Variants in SMC5 observed in about 807,000 individuals in gnomAD.
SMC5 encodes structural maintenance of chromosomes 5.
A neutral mutation model predicts 148.3 loss-of-function variants in SMC5; 88 were observed. That is an observed-to-expected ratio of 0.59 (90% CI 0.50 to 0.71). The LOEUF (loss-of-function observed/expected upper bound fraction) is 0.71, where lower values mean the gene tolerates loss of function less well. SMC5 is among the 30% of genes least tolerant of loss of function. SMC5 has a pLI of 0.00. For synonymous variants in SMC5, 421 were observed against 432.8 expected (o/e 0.97, Z 0.34); for missense variants, 1,142 against 1,298.9 (o/e 0.88, Z 1.86).
intron 13 of SMC5, among the ~76,000 whole-genome samples, chr9:70,318,302 C>T (rs2035860519): frequency 6.6e-6 from 1 of 151,862 alleles, no homozygotes; most frequent in South Asian, 2.1e-4. Flanking sequence ...GTGGAAGGAT[C>T]ACTTGAGCCT....
At chr9:70,300,719 T>C (rs1467331241) in intron 10 of SMC5, among the ~76,000 whole-genome samples, 4 of 152,170 alleles carry the variant, frequency 2.6e-5, no homozygotes, top group Non-Finnish European at 5.9e-5. Flanking sequence ...TGAAGCTATA[T>C]TTAATAAATC....
chr9:70,332,296 G>A (rs184349802), intron 17 of SMC5, among the ~76,000 whole-genome samples: 2 of 152,144 alleles, frequency 1.3e-5, no homozygotes, highest in East Asian at 1.9e-4. Flanking sequence ...CGAGGCAGGT[G>A]GAGCCCTTGA....
intron 15 of SMC5, among the ~76,000 whole-genome samples, chr9:70,322,044 T>C (rs2035961741): frequency 6.6e-6 from 1 of 152,236 alleles, no homozygotes; most frequent in Admixed American, 6.5e-5. Flanking sequence ...TCTAAACACA[T>C]TTATAAATTG....
intron 16 of SMC5, 82 bp downstream of exon 16, chr9:70,323,688 GGTTT>G: frequency 3.1e-6 from 4 of 1,297,010 alleles, no homozygotes; most frequent in Non-Finnish European, 4.2e-6. Flanking sequence ...AGGGAGGGAA[GGTTT>G]TGATTAAGGT....
At position 70,347,722 on chromosome 9, in the gene SMC5, T is replaced by C; in HGVS notation, c.2769+5T>C. On this transcript the variant is annotated splice_donor_5th_base_variant and intron_variant, in intron 21 of 24. Transcript: ENST00000361138. ...TACAGGGAAAACATTTCACAGGTAA[T>C]TTTTTAGTTTTTAATCTTTTTATCA... 11 of 1,498,298 alleles carry C rather than the reference T, an allele frequency of 7.3e-6. No homozygotes were observed. The highest frequency in any genetic ancestry group is 2.3e-5 in the East Asian group (1 of 43,648). The allele number at this position is 1,498,298 out of a possible 1,614,324, so 92.8% of individuals were successfully genotyped here. A position where few individuals can be genotyped will look rare whatever the true frequency, so the allele number is the denominator to read the frequency against.
rs973204336 is a variant in SMC5 at position 70,353,719 on chromosome 9, A to T, written c.*1388A>T. On this transcript the variant is annotated 3_prime_UTR_variant, in exon 25 of 25. Coordinates refer to ENST00000361138, the MANE Select transcript of SMC5 (RefSeq NM_015110.4). The stretch of plus-strand genomic sequence containing the variant: ...ATTTTCTTCTTTATAAACATTTTAA[A>T]AGAGCCTTCCCTTCTTAAACTAACT... The T allele has an allele frequency of 6.6e-6, 1 of 152,232 alleles. No homozygotes were observed. Among genetic ancestry groups the T allele is most frequent in the Non-Finnish European group, 1.5e-5 (1 of 68,016 alleles). 9.4% of individuals were successfully genotyped at this position (152,232 alleles called of 1,614,324 possible). A position where few individuals can be genotyped will look rare whatever the true frequency, so the allele number is the denominator to read the frequency against.
At chr9:70,275,481 G>A (rs1012128010) in intron 3 of SMC5, among the ~76,000 whole-genome samples, 6 of 152,164 alleles carry the variant, frequency 3.9e-5, no homozygotes, top group Non-Finnish European at 5.9e-5. Flanking sequence ...GATTACAGGC[G>A]TGAGCCACCA....
chr9:70,329,760 A>G (rs984686022), intron 17 of SMC5, among the ~76,000 whole-genome samples: 3 of 152,134 alleles, frequency 2.0e-5, no homozygotes, highest in Non-Finnish European at 4.4e-5. Flanking sequence ...CTCTTGTATC[A>G]ATTTTCTGTA....
chr9:70,335,384 G>A (rs1381639847), intron 17 of SMC5, among the ~76,000 whole-genome samples: 2 of 152,118 alleles, frequency 1.3e-5, no homozygotes, highest in Non-Finnish European at 2.9e-5. Flanking sequence ...CTACTTGAGA[G>A]GCTGAGGTTG....
intron 18 of SMC5, among the ~76,000 whole-genome samples, chr9:70,345,929 G>A (rs769135836): frequency 2.6e-5 from 4 of 152,152 alleles, no homozygotes; most frequent in Non-Finnish European, 5.9e-5. Context: ...GAGAGAGGGA[G>A]AAGTTGACAA....
chr9:70,282,706 A>T, intron 7 of SMC5, 123 bp downstream of exon 7: 1 of 1,002,190 alleles, frequency 1.0e-6, no homozygotes, highest in East Asian at 2.9e-5. Flanking sequence ...TAAGTTTTTT[A>T]ACCAGGAATT....
At chr9:70,336,817 AAC>A (rs1006755053) in intron 17 of SMC5, among the ~76,000 whole-genome samples, 5 of 152,226 alleles carry the variant, frequency 3.3e-5, no homozygotes, top group African/African-American at 1.2e-4. Flanking sequence ...TAAATCCAGT[AAC>A]ACAATTGTAT....
In SMC5 at chr9:70,350,134, A is replaced by G. The variant is rs1251409093; in HGVS notation, c.2910A>G (p.Gly970=). 5 of 1,606,358 alleles carry G rather than the reference A, an allele frequency of 3.1e-6. No individual in the cohort carries two copies. The highest frequency in any genetic ancestry group is 4.2e-6 in the Non-Finnish European group (5 of 1,176,888). ...TATAGGAAGATTATGATAAATATGGAATTCGAATTAGAGTCAAATTTCGAA... is the reference window on the plus strand; with the variant it reads ...TATAGGAAGATTATGATAAATATGGGATTCGAATTAGAGTCAAATTTCGAA... The part of the protein sequence containing the change: ...TENEEDYDKY[G]IRIRVKFRSS... Residue 970 remains glycine, a synonymous_variant, in exon 23 of 25, where the codon GGA becomes GGG. Coordinates refer to ENST00000361138, the MANE Select transcript of SMC5 (RefSeq NM_015110.4).
intron 3 of SMC5, among the ~76,000 whole-genome samples, chr9:70,274,221 A>G (rs979447093): frequency 3.9e-5 from 6 of 152,222 alleles, no homozygotes; most frequent in Admixed American, 6.5e-5. Flanking sequence ...AGCTGGGATT[A>G]CAGGCGCCCG....
intron 17 of SMC5, among the ~76,000 whole-genome samples, chr9:70,332,259 C>G (rs1279240935): frequency 1.3e-5 from 2 of 152,100 alleles, no homozygotes; most frequent in Non-Finnish European, 2.9e-5. Context: ...TAGTGCCTCA[C>G]ACTGTAATCC....
chr9:70,329,411 C>T (rs558947303), intron 17 of SMC5, among the ~76,000 whole-genome samples: 50 of 152,284 alleles, frequency 3.3e-4, no homozygotes, highest in African/African-American at 1.2e-3. Flanking sequence ...TTTCTTCCAC[C>T]GGATGCCCTA....
intron 2 of SMC5, among the ~76,000 whole-genome samples, chr9:70,267,101 C>G (rs1365942783): frequency 6.8e-6 from 1 of 147,254 alleles, no homozygotes; most frequent in Non-Finnish European, 1.5e-5. Flanking sequence ...ATGTATACTT[C>G]AAGGTTGCTT....
intron 17 of SMC5, among the ~76,000 whole-genome samples, chr9:70,327,977 G>A (rs1381760024): frequency 6.6e-6 from 1 of 152,090 alleles, no homozygotes; most frequent in Non-Finnish European, 1.5e-5. Context: ...TGGCAGAGTA[G>A]GAGAGAGGAT....
In SMC5 at chr9:70,353,736, A is replaced by T. The variant is rs929036281; in HGVS notation, c.*1405A>T. ...CATTTTAAAAGAGCCTTCCCTTCTT[A>T]AACTAACTCCAGTGCATGAAGTGTG... On this transcript the variant is annotated 3_prime_UTR_variant, in exon 25 of 25. Transcript: ENST00000361138. The T allele has an allele frequency of 6.6e-6, 1 of 152,204 alleles. No homozygotes were observed. Among genetic ancestry groups the T allele is most frequent in the African/African-American group, 2.4e-5 (1 of 41,462 alleles). The allele number at this position is 152,204 out of a possible 1,614,324, so 9.4% of individuals were successfully genotyped here.
Sources: allele counts gnomAD v4.1 joint callset (sites outside exome capture counted in the v4.1 genomes callset), GRCh38; gene constraint gnomAD v4.1.1; transcripts MANE v1.5; gene names NCBI Gene and HGNC (gene_info 2026-07-23, HGNC 2026-07-21).